The following RNF24 variants were observed in gnomAD, a reference collection of about 807,000 sequenced individuals.
The protein encoded by RNF24 is ring finger protein 24.
RNF24 carries 14 observed loss-of-function variants against 20.0 expected under a neutral mutation model. The ratio of observed to expected loss-of-function variants is 0.70; its 90% CI spans 0.46 to 1.10. The LOEUF (loss-of-function observed/expected upper bound fraction) is 1.10, where lower values mean the gene tolerates loss of function less well. RNF24 is among the 50% of genes least tolerant of loss of function. The pLI is 0.00. For missense variants in RNF24, 124 were observed against 177.6 expected (o/e 0.70, Z 1.71); for synonymous variants, 45 against 61.1 (o/e 0.74, Z 1.23).
chr20:3,947,641 C>T (rs1274472240), intron 3 of RNF24, among the ~76,000 whole-genome samples: 1 of 152,208 alleles, frequency 6.6e-6, no homozygotes, highest in Non-Finnish European at 1.5e-5. Flanking sequence ...ATTAAGTCGA[C>T]AGTAACTTTA....
chr20:3,978,537 G>T (rs1434413793), intron 1 of RNF24, among the ~76,000 whole-genome samples: 1 of 151,806 alleles, frequency 6.6e-6, no homozygotes, highest in Admixed American at 6.6e-5. Context: ...AATCAAAAAA[G>T]ACTCTAAAAT....
At chr20:3,996,857 G>A (rs1159732006) in intron 1 of RNF24, among the ~76,000 whole-genome samples, 2 of 152,168 alleles carry the variant, frequency 1.3e-5, no homozygotes, top group African/African-American at 2.4e-5. Flanking sequence ...AGAACTAGGA[G>A]TAAGTGGTAA....
intron 4 of RNF24, among the ~76,000 whole-genome samples, chr20:3,940,760 A>G (rs2090945617): frequency 6.6e-6 from 1 of 152,228 alleles, no homozygotes; most frequent in South Asian, 2.1e-4. Context: ...ATGGAGGGCC[A>G]GAAGGAAGAG....
At chr20:3,992,581 GT>G (rs1980540862) in intron 1 of RNF24, among the ~76,000 whole-genome samples, 1 of 150,762 alleles carries the variant, frequency 6.6e-6, no homozygotes, top group African/African-American at 2.4e-5. Flanking sequence ...TAAGCTCCTT[GT>G]TTTCAATTAG....
chr20:3,954,314 A>G (rs2091117412), intron 2 of RNF24, among the ~76,000 whole-genome samples: 1 of 152,144 alleles, frequency 6.6e-6, no homozygotes, highest in Non-Finnish European at 1.5e-5. Flanking sequence ...TATTATGGAT[A>G]TATCATATAA....
At chr20:3,978,289 GCCTCC>G (rs1467259116) in intron 1 of RNF24, among the ~76,000 whole-genome samples, 1 of 151,808 alleles carries the variant, frequency 6.6e-6, no homozygotes, top group Non-Finnish European at 1.5e-5. Context: ...GCCCACCTTG[GCCTCC>G]CAAAGTGCTG....
intron 4 of RNF24, among the ~76,000 whole-genome samples, chr20:3,940,089 G>C (rs571646600): frequency 2.4e-4 from 36 of 152,136 alleles, no homozygotes; most frequent in Admixed American, 2.2e-3. Flanking sequence ...CTCCTGAGTA[G>C]CTGGGGTTAC....
chr20:3,957,800 G>C (rs896116471), intron 2 of RNF24, among the ~76,000 whole-genome samples: 1 of 152,056 alleles, frequency 6.6e-6, no homozygotes, highest in African/African-American at 2.4e-5. Context: ...CTGCTAAATA[G>C]ATATCTAAAA....
intron 1 of RNF24, among the ~76,000 whole-genome samples, chr20:4,003,891 C>G (rs1981628981): frequency 6.6e-6 from 1 of 152,020 alleles, no homozygotes; most frequent in South Asian, 2.1e-4. Context: ...TGATCTACCC[C>G]ACCTCGGCCT....
At chr20:4,014,779 C>T (rs1034743431) in intron 1 of RNF24, among the ~76,000 whole-genome samples, 1 of 120,372 alleles carries the variant, frequency 8.3e-6, no homozygotes, top group African/African-American at 3.1e-5. Flanking sequence ...ACACACACAT[C>T]ATTAGGTCTC....
At chr20:3,935,242 T>G (rs372318336) in intron 4 of RNF24, among the ~76,000 whole-genome samples, 169 bp from the exon 5 acceptor site, 2 of 151,302 alleles carry the variant, frequency 1.3e-5, no homozygotes, top group South Asian at 2.1e-4. Flanking sequence ...CAGGCCAAAA[T>G]AGATGAATGT....
chr20:4,014,805 G>A (rs1982760228), intron 1 of RNF24, among the ~76,000 whole-genome samples: 1 of 151,076 alleles, frequency 6.6e-6, no homozygotes, highest in African/African-American at 2.4e-5. Flanking sequence ...ACAAAGGAGG[G>A]TCCTTAATTC....
chr20:3,942,818 GTTT>G (rs375685386), intron 4 of RNF24, among the ~76,000 whole-genome samples: 1 of 138,720 alleles, frequency 7.2e-6, no homozygotes, highest in African/African-American at 2.6e-5. Context: ...GATGAAGACA[GTTT>G]TTTTTTTTTT....
intron 2 of RNF24, among the ~76,000 whole-genome samples, chr20:3,962,156 C>T (rs929677402): frequency 1.3e-5 from 2 of 151,996 alleles, no homozygotes; most frequent in African/African-American, 4.8e-5. Flanking sequence ...AGTTTCAGAC[C>T]AGCCTGGGAA....
chr20:3,965,071 C>T (rs1327574950), intron 1 of RNF24, among the ~76,000 whole-genome samples: 3 of 152,124 alleles, frequency 2.0e-5, no homozygotes, highest in Admixed American at 6.5e-5. Flanking sequence ...AGTTAAAATT[C>T]CACAGATAAA....
At chr20:3,973,451 C>G (rs556403065) in intron 1 of RNF24, among the ~76,000 whole-genome samples, 3 of 136,928 alleles carry the variant, frequency 2.2e-5, no homozygotes, top group African/African-American at 8.2e-5. Flanking sequence ...AAAGCTGAGT[C>G]TTTTCTTTGA....
At chr20:3,944,209 CAAAAAAAAA>C (rs58334745) in intron 4 of RNF24, among the ~76,000 whole-genome samples, 1 of 109,906 alleles carries the variant, frequency 9.1e-6, no homozygotes, top group Non-Finnish European at 2.0e-5. Flanking sequence ...GACCCCGTCT[CAAAAAAAAA>C]AAAAAAAAAA....
chr20:3,995,827 T>A (rs1283683775), intron 1 of RNF24, among the ~76,000 whole-genome samples: 1 of 148,058 alleles, frequency 6.8e-6, no homozygotes. Flanking sequence ...TTGGTTCTGC[T>A]TTTTTTTTTC....
At chr20:3,997,565 C>A (rs1980989409) in intron 1 of RNF24, among the ~76,000 whole-genome samples, 1 of 152,076 alleles carries the variant, frequency 6.6e-6, no homozygotes, top group South Asian at 2.1e-4. Flanking sequence ...TAGCTCGAAC[C>A]ACAGACATGT....
Sources: allele counts gnomAD v4.1 joint callset (sites outside exome capture counted in the v4.1 genomes callset), GRCh38; gene constraint gnomAD v4.1.1; transcripts MANE v1.5; gene names NCBI Gene and HGNC (gene_info 2026-07-23, HGNC 2026-07-21).